Variants in ADCY2 observed in about 807,000 individuals in gnomAD.
ADCY2 encodes adenylate cyclase 2, also known as adenylate cyclase type 2.
A neutral mutation model predicts 125.2 loss-of-function variants in ADCY2; 31 were observed. That is an observed-to-expected ratio of 0.25 (90% CI 0.19 to 0.33). The LOEUF is 0.33. ADCY2 is among the 10% of genes least tolerant of loss of function. ADCY2 has a pLI of 1.00. For synonymous variants in ADCY2, 512 were observed against 548.4 expected (o/e 0.93, Z 0.93); for missense variants, 904 against 1,418.2 (o/e 0.64, Z 5.82).
intron 4 of ADCY2, among the ~76,000 whole-genome samples, chr5:7,673,129 G>A (rs1428786838): frequency 6.7e-6 from 1 of 148,508 alleles, no homozygotes; most frequent in African/African-American, 2.5e-5. Context: ...ATGGTTGGGT[G>A]CAGTGGCTCG....
At chr5:7,637,009 C>A (rs1490081723) in intron 4 of ADCY2, among the ~76,000 whole-genome samples, 1 of 152,202 alleles carries the variant, frequency 6.6e-6, no homozygotes, top group African/African-American at 2.4e-5. Context: ...TGGCATAAAT[C>A]AAAGTTGTAT....
At chr5:7,699,899 C>T (rs1741026002) in intron 7 of ADCY2, among the ~76,000 whole-genome samples, 2 of 152,192 alleles carry the variant, frequency 1.3e-5, no homozygotes, top group South Asian at 4.1e-4. Flanking sequence ...AGTATTGTTA[C>T]TATGAGCCTT....
At chr5:7,573,603 T>TC (rs1561102822) in intron 3 of ADCY2, among the ~76,000 whole-genome samples, 1 of 145,626 alleles carries the variant, frequency 6.9e-6, no homozygotes, top group African/African-American at 2.6e-5. Flanking sequence ...CTTTTTTTTT[T>TC]TTTTTTTTTT....
intron 18 of ADCY2, among the ~76,000 whole-genome samples, chr5:7,778,115 G>A (rs1743799029): frequency 6.6e-6 from 1 of 152,230 alleles, no homozygotes; most frequent in Admixed American, 6.5e-5. Flanking sequence ...GAGCTGTTGA[G>A]ACACCAACTG....
intron 4 of ADCY2, among the ~76,000 whole-genome samples, chr5:7,671,132 T>C (rs77218593): frequency 0.012 from 1,781 of 152,322 alleles, 28 homozygotes; most frequent in African/African-American, 0.032. Context: ...ATGAACAGCA[T>C]GCCTATGTGT....
chr5:7,537,075 C>T (rs929642977), intron 3 of ADCY2, among the ~76,000 whole-genome samples: 74 of 152,148 alleles, frequency 4.9e-4, no homozygotes, highest in African/African-American at 1.7e-3. Flanking sequence ...AAAAGTCTCA[C>T]TGACTGTGTA....
chr5:7,790,041 A>G lies in ADCY2; in HGVS notation c.2628+241A>G, dbSNP rs917902445. Among the ~76,000 whole-genome samples, 14 of 152,340 alleles carry G rather than the reference A, an allele frequency of 9.2e-5. No homozygotes were observed. In the South Asian group the frequency reaches 2.1e-3, roughly 23 times the overall value. On this transcript the variant is annotated intron_variant, in intron 20 of 24. Transcript: ENST00000338316. The stretch of plus-strand genomic sequence containing the variant: ...AAAGTCTGAGTCTGGAGGTGGATTC[A>G]TTATTAGAGATTTTTTCCCCAATCA...
At chr5:7,727,876 G>A (rs1040446557) in intron 14 of ADCY2, among the ~76,000 whole-genome samples, 5 of 152,044 alleles carry the variant, frequency 3.3e-5, no homozygotes, top group Non-Finnish European at 4.4e-5. Context: ...GGTGAAAAAC[G>A]AATCGCTTTA....
intron 22 of ADCY2, among the ~76,000 whole-genome samples, chr5:7,816,033 C>G (rs1745101970): frequency 6.6e-6 from 1 of 152,136 alleles, no homozygotes; most frequent in East Asian, 1.9e-4. Flanking sequence ...CTAACTGCCT[C>G]TTCTTAAAAG....
rs1374383597 is a variant in ADCY2 at position 7,772,945 on chromosome 5, G to C, written c.2228G>C (p.Ser743Thr). The stretch of plus-strand genomic sequence containing the variant: ...TCCCTGTTTCAGTACTTTATCTACA[G>C]CTGCATTCTGGGACTGATATCCTGT... ...NLFFLPYFIY[S>T]CILGLISCSV... The change falls in exon 18 of 25, where the codon AGC becomes ACC. Residue 743 changes from serine (S) to threonine (T), a missense_variant. Ser to Thr is a moderately conservative substitution (Grantham distance 58, BLOSUM62 1). Coordinates refer to ENST00000338316, the MANE Select transcript of ADCY2 (RefSeq NM_020546.3). The C allele has an allele frequency of 6.2e-7, 1 of 1,614,086 alleles. No homozygotes were observed. The highest frequency in any genetic ancestry group is 1.7e-5 in the Admixed American group (1 of 60,008).
At chr5:7,561,013 T>C (rs1215259554) in intron 3 of ADCY2, among the ~76,000 whole-genome samples, 1 of 152,226 alleles carries the variant, frequency 6.6e-6, no homozygotes, top group Non-Finnish European at 1.5e-5. Context: ...CTTAAAAATA[T>C]GTTCGTAGTT....
chr5:7,569,030 A>G (rs1735992887), intron 3 of ADCY2, among the ~76,000 whole-genome samples: 1 of 152,154 alleles, frequency 6.6e-6, no homozygotes, highest in African/African-American at 2.4e-5. Flanking sequence ...AACAGAAGCT[A>G]TTTTGCATTA....
chr5:7,781,535 A>C (rs1380860022), intron 18 of ADCY2, among the ~76,000 whole-genome samples: 1 of 152,170 alleles, frequency 6.6e-6, no homozygotes, highest in East Asian at 1.9e-4. Context: ...AGAAAAGCCA[A>C]TGATGGCCAG....
At chr5:7,426,702 A>C (rs1740400323) in intron 2 of ADCY2, among the ~76,000 whole-genome samples, 1 of 152,176 alleles carries the variant, frequency 6.6e-6, no homozygotes, top group Non-Finnish European at 1.5e-5. Flanking sequence ...CACCATAAGC[A>C]TGCAGATGTT....
At chr5:7,791,277 A>T (rs1744241865) in intron 20 of ADCY2, among the ~76,000 whole-genome samples, 1 of 151,914 alleles carries the variant, frequency 6.6e-6, no homozygotes, top group Non-Finnish European at 1.5e-5. Flanking sequence ...TGTTCTTAGG[A>T]CATTTTCACT....
chr5:7,728,254 T>C (rs1741991733), intron 14 of ADCY2, among the ~76,000 whole-genome samples: 1 of 152,182 alleles, frequency 6.6e-6, no homozygotes. Flanking sequence ...TGTCTGTTTC[T>C]CCGCCTCTGT....
At chr5:7,457,846 G>C (rs936461720) in intron 2 of ADCY2, among the ~76,000 whole-genome samples, 1 of 152,158 alleles carries the variant, frequency 6.6e-6, no homozygotes, top group African/African-American at 2.4e-5. Flanking sequence ...TTACCACGTC[G>C]TCCTGTTATC....
At chr5:7,481,467 C>CT (rs2126473415) in intron 2 of ADCY2, among the ~76,000 whole-genome samples, 1 of 151,502 alleles carries the variant, frequency 6.6e-6, no homozygotes, top group Non-Finnish European at 1.5e-5. Context: ...CGGGGTTTCA[C>CT]TGTGTTAGTC....
intron 5 of ADCY2, among the ~76,000 whole-genome samples, chr5:7,694,931 T>G (rs72710498): frequency 0.16 from 24,431 of 152,238 alleles, 2,289 homozygotes; most frequent in Admixed American, 0.32. Context: ...TCCACAACCA[T>G]TATTTGTATG....
Sources: allele counts gnomAD v4.1 joint callset (sites outside exome capture counted in the v4.1 genomes callset), GRCh38; gene constraint gnomAD v4.1.1; transcripts MANE v1.5; gene names NCBI Gene and HGNC (gene_info 2026-07-23, HGNC 2026-07-21).